The following GRM7 variants were observed in gnomAD, a reference collection of about 807,000 sequenced individuals.
The protein encoded by GRM7 is metabotropic glutamate receptor 7.
A neutral mutation model predicts 84.5 loss-of-function variants in GRM7; 35 were observed. That is an observed-to-expected ratio of 0.41 (90% CI 0.32 to 0.55). GRM7 has a LOEUF of 0.55. GRM7 is among the 20% of genes least tolerant of loss of function. The pLI is 0.19. For missense variants in GRM7, 1,003 were observed against 1,194.6 expected (o/e 0.84, Z 2.36); for synonymous variants, 487 against 455.1 (o/e 1.07, Z -0.89).
In GRM7 at chr3:7,146,476, A is replaced by G; in HGVS notation, c.544A>G (p.Thr182Ala). ...FQIPQISYASTAPELSDDRRY... is the reference protein window; with the variant it reads ...FQIPQISYASAAPELSDDRRY... ...GATCCCCCAGATTAGTTATGCATCAACGGCACCCGAGCTAAGTGATGACCG... is the reference window on the plus strand; with the variant it reads ...GATCCCCCAGATTAGTTATGCATCAGCGGCACCCGAGCTAAGTGATGACCG... The change falls in exon 2 of 10, where the codon ACG (threonine) becomes GCG (alanine). Residue 182 changes from threonine (T) to alanine (A), a missense_variant. This residue lies in a region of GRM7 where 910 missense variants were observed against 1,126.0 expected (regional missense o/e 0.81). Transcript: ENST00000357716. 1 of 1,613,542 alleles carries G rather than the reference A, an allele frequency of 6.2e-7. No individual in the cohort carries two copies. The highest frequency in any genetic ancestry group is 8.5e-7 in the Non-Finnish European group (1 of 1,179,854).
At chr3:7,294,978 C>A (rs1052993169) in intron 2 of GRM7, among the ~76,000 whole-genome samples, 11 of 152,166 alleles carry the variant, frequency 7.2e-5, no homozygotes, top group Non-Finnish European at 2.9e-5. Flanking sequence ...TTTCTCAATG[C>A]TGTCTTTCAC....
intron 1 of GRM7, among the ~76,000 whole-genome samples, chr3:6,883,971 T>C (rs1695603214): frequency 6.6e-6 from 1 of 152,212 alleles, no homozygotes; most frequent in Non-Finnish European, 1.5e-5. Flanking sequence ...ACTCCCCCTA[T>C]AGCCATTAAA....
At chr3:7,581,359 C>A (rs1001889690) in intron 8 of GRM7, among the ~76,000 whole-genome samples, 1 of 152,038 alleles carries the variant, frequency 6.6e-6, no homozygotes, top group Non-Finnish European at 1.5e-5. Flanking sequence ...TTAGAAGGCA[C>A]GTAATTTTCT....
intron 1 of GRM7, among the ~76,000 whole-genome samples, chr3:6,950,484 G>T (rs1692704586): frequency 6.6e-6 from 1 of 152,222 alleles, no homozygotes; most frequent in South Asian, 2.1e-4. Flanking sequence ...GTGCCTCCCA[G>T]TTAGGCTGCT....
At chr3:7,477,382 C>G (rs1223998949) in intron 7 of GRM7, among the ~76,000 whole-genome samples, 1 of 152,146 alleles carries the variant, frequency 6.6e-6, no homozygotes, top group African/African-American at 2.4e-5. Flanking sequence ...AACCACACCT[C>G]TCTCACCCTT....
At chr3:7,081,046 G>A (rs993082134) in intron 1 of GRM7, among the ~76,000 whole-genome samples, 1 of 151,994 alleles carries the variant, frequency 6.6e-6, no homozygotes, top group Non-Finnish European at 1.5e-5. Context: ...AAGTTACTTT[G>A]TGTAGCTTCT....
At chr3:6,944,646 T>G (rs970273799) in intron 1 of GRM7, among the ~76,000 whole-genome samples, 1 of 152,198 alleles carries the variant, frequency 6.6e-6, no homozygotes, top group Non-Finnish European at 1.5e-5. Context: ...TTTCTTATAA[T>G]GCATTTTTCC....
intron 5 of GRM7, among the ~76,000 whole-genome samples, chr3:7,416,863 T>G (rs535850506): frequency 5.9e-5 from 9 of 152,250 alleles, no homozygotes; most frequent in Admixed American, 4.6e-4. Flanking sequence ...ATAATTTGTC[T>G]CTATGACAGG....
chr3:7,586,949 T>G (rs932871444), intron 8 of GRM7, among the ~76,000 whole-genome samples: 1 of 152,148 alleles, frequency 6.6e-6, no homozygotes, highest in African/African-American at 2.4e-5. Context: ...AATTAACCTA[T>G]AGTGACAGAA....
At chr3:7,365,207 C>T (rs751940976) in intron 4 of GRM7, among the ~76,000 whole-genome samples, 7 of 151,752 alleles carry the variant, frequency 4.6e-5, no homozygotes, top group Non-Finnish European at 8.9e-5. Context: ...GTTTAAGGCA[C>T]TCCCTCTTCC....
intron 9 of GRM7, among the ~76,000 whole-genome samples, chr3:7,734,348 G>A (rs142454830): frequency 5.7e-4 from 87 of 152,186 alleles, no homozygotes; most frequent in African/African-American, 2.0e-3. Flanking sequence ...CCTTGCTGAT[G>A]ACACATGGCA....
At chr3:7,550,525 C>T (rs1164386218) in intron 7 of GRM7, among the ~76,000 whole-genome samples, 10 of 137,598 alleles carry the variant, frequency 7.3e-5, no homozygotes, top group African/African-American at 2.8e-4. Context: ...TCTTCTTCTT[C>T]CTTTTTTTCT....
chr3:7,395,515 C>G (rs1695175780), intron 4 of GRM7, among the ~76,000 whole-genome samples: 1 of 152,132 alleles, frequency 6.6e-6, no homozygotes, highest in Admixed American at 6.5e-5. Context: ...CCACCCAAAT[C>G]TCACCTTGAA....
At chr3:7,229,411 T>G (rs531874010) in intron 2 of GRM7, among the ~76,000 whole-genome samples, 13 of 151,704 alleles carry the variant, frequency 8.6e-5, no homozygotes, top group East Asian at 5.9e-4. Flanking sequence ...GCAGATAGAG[T>G]TAAGTAACAG....
At position 7,001,196 on chromosome 3, in the gene GRM7, T is replaced by A. The variant is rs192760298; in HGVS notation, c.519+139289T>A. 5.3e-3 allele frequency among the ~76,000 whole-genome samples: 800 copies of A among 152,160 alleles called. 10 individuals carry two copies. Among genetic ancestry groups the A allele is most frequent in the African/African-American group, 0.018 (768 of 41,520 alleles). ...CCCCATATCCACAAAAAGATTTTTT[T>A]AAAATTGTCTGGGCATGGTGGTACA... On this transcript the variant is annotated intron_variant, in intron 1 of 9. Transcript: ENST00000357716.
In GRM7 at chr3:7,488,703, C is replaced by T. The variant is rs536368688; in HGVS notation, c.1515+26981C>T. ...AATCATGACAGAAATTATCTCTTTT[C>T]TTTATGAATTACCCAGCCTCGGATG... On this transcript the variant is annotated intron_variant, in intron 7 of 9. Coordinates refer to ENST00000357716, the MANE Select transcript of GRM7 (RefSeq NM_000844.4). 4.6e-5 allele frequency among the ~76,000 whole-genome samples: 7 copies of T among 152,270 alleles called. No individual in the cohort carries two copies. In the East Asian group the frequency reaches 9.7e-4, roughly 21 times the overall value.
intron 8 of GRM7, among the ~76,000 whole-genome samples, chr3:7,659,772 G>A (rs552144142): frequency 2.0e-5 from 3 of 152,254 alleles, no homozygotes; most frequent in South Asian, 2.1e-4. Context: ...TTTTCAACAC[G>A]GTAAGATGTT....
rs182950743 is a variant in GRM7, at chr3:7,657,228, C to T, written c.2452-22821C>T. Among the ~76,000 whole-genome samples, 239 of 152,044 alleles carry T rather than the reference C, an allele frequency of 1.6e-3. 2 individuals are homozygous for T. Among genetic ancestry groups the T allele is most frequent in the Admixed American group, 0.015 (222 of 15,274 alleles). On this transcript the variant is annotated intron_variant, in intron 8 of 9. Transcript: ENST00000357716. Reference sequence around the variant, plus strand: ...GCCTTCTAATATCATTGTCATTCCCCAAGTGAGAAAAAAATGTTAAGTAGA... The same window carrying T: ...GCCTTCTAATATCATTGTCATTCCCTAAGTGAGAAAAAAATGTTAAGTAGA...
chr3:7,446,122 GA>G (rs1159139087), intron 5 of GRM7, among the ~76,000 whole-genome samples: 3 of 152,184 alleles, frequency 2.0e-5, no homozygotes, highest in Non-Finnish European at 4.4e-5. Flanking sequence ...TCAGCCTCAA[GA>G]AATATTTAAG....
Sources: gnomAD v4.1 joint callset for allele counts (sites outside exome capture counted in the v4.1 genomes callset) on GRCh38, gnomAD v4.1.1 for gene constraint, gnomAD v4.1.1 regional missense constraint, MANE v1.5 for transcripts, NCBI Gene and HGNC (gene_info 2026-07-23, HGNC 2026-07-21) for gene names.